Variants in EDA observed in about 807,000 individuals in gnomAD.
EDA encodes the protein ectodysplasin-A.
EDA carries 2 observed loss-of-function variants against 23.6 expected under a neutral mutation model. That is an observed-to-expected ratio of 0.08 (90% CI 0.03 to 0.27). EDA has a LOEUF of 0.27. Among genes scored for constraint, EDA ranks in the 10% least tolerant of loss-of-function variants. The probability of loss-of-function intolerance (pLI) is 1.00; values close to 1 mark genes in which losing one functional copy is unlikely to be tolerated. For synonymous variants in EDA, 131 were observed against 132.0 expected (o/e 0.99, Z 0.05); for missense variants, 229 against 324.2 (o/e 0.71, Z 2.26).
At chrX:69,673,179 G>A (rs1933960921) in intron 1 of EDA, among the ~76,000 whole-genome samples, 1 of 111,312 alleles carries the variant, frequency 9.0e-6, no homozygotes, top group Non-Finnish European at 1.9e-5. Context: ...GAGTGTAACA[G>A]CATTGATACA....
intron 2 of EDA, among the ~76,000 whole-genome samples, chrX:69,966,974 G>GTA (rs944298975): frequency 3.2e-3 from 344 of 106,366 alleles, no homozygotes; most frequent in African/African-American, 9.2e-3. Flanking sequence ...GTGTGTGTGT[G>GTA]TATATATATA....
Position 69,937,504 on chromosome X carries a change from A to G in EDA, c.397-19523A>G, listed in dbSNP as rs1486875989. Reference sequence around the variant, plus strand: ...TCAAGTTCTTCTTCAGGCAAGTTAGAGTTGGTCAGCATTTTGATTAAATAG... The same window carrying G: ...TCAAGTTCTTCTTCAGGCAAGTTAGGGTTGGTCAGCATTTTGATTAAATAG... On this transcript the variant is annotated intron_variant, in intron 1 of 7. Coordinates refer to ENST00000374552, the MANE Select transcript of EDA (RefSeq NM_001399.5). 9.5e-6 allele frequency: 8 copies of G among 837,985 alleles called. No individual in the cohort carries two copies. The Admixed American group carries it at 1.8e-4, about 19-fold the overall frequency. 69.1% of individuals were successfully genotyped at this position (837,985 alleles called of 1,213,427 possible).
chrX:69,616,812 G>A, intron 1 of EDA, 108 bp downstream of exon 1: 2 of 1,058,124 alleles, frequency 1.9e-6, no homozygotes, highest in Non-Finnish European at 2.6e-6. Flanking sequence ...CCAATTTAGA[G>A]GGCAGGACCA....
chrX:69,751,998 G>T (rs2013898090), intron 1 of EDA, among the ~76,000 whole-genome samples: 1 of 110,838 alleles, frequency 9.0e-6, no homozygotes, highest in Admixed American at 9.6e-5. Flanking sequence ...GGGTTTTCTA[G>T]ATATACAATC....
chrX:70,034,393 G>A (rs989462014), intron 7 of EDA, among the ~76,000 whole-genome samples: 1 of 111,699 alleles, frequency 9.0e-6, no homozygotes, highest in African/African-American at 3.3e-5. Context: ...ACCCAAATAT[G>A]CTGTTCCCAC....
At chrX:69,903,732 T>A (rs1036621401) in intron 1 of EDA, among the ~76,000 whole-genome samples, 1 of 110,661 alleles carries the variant, frequency 9.0e-6, no homozygotes, top group African/African-American at 3.3e-5. Flanking sequence ...ATTAAATTTT[T>A]AAAAATTTTT....
At chrX:69,937,324 A>T in intron 1 of EDA, 1 of 636,442 alleles carries the variant, frequency 1.6e-6, no homozygotes, top group Admixed American at 2.2e-5. Context: ...CCTGTCAGCA[A>T]TGATTTAGAT....
At chrX:69,768,875 G>A (rs989129072) in intron 1 of EDA, among the ~76,000 whole-genome samples, 2 of 110,996 alleles carry the variant, frequency 1.8e-5, no homozygotes, top group South Asian at 3.8e-4. Context: ...TATGATATAC[G>A]GTTTATTCAT....
In EDA at chrX:69,972,991, ACTAAGCTAAT is replaced by A. The variant is rs768397933; in HGVS notation, c.502+15886_502+15895del. On this transcript the variant is annotated intron_variant, in intron 2 of 7. Coordinates refer to ENST00000374552, the MANE Select transcript of EDA (RefSeq NM_001399.5). ...TTTCCATTTGAATTAGCTATAACTA[ACTAAGCTAAT>A]CTAAGCTAATCTAAGCTAATCTAAG... 4.7e-4 allele frequency among the ~76,000 whole-genome samples: 52 copies of A among 111,780 alleles called. 1 individual carries two copies. The highest frequency in any genetic ancestry group is 3.3e-3 in the South Asian group (9 of 2,688).
intron 1 of EDA, chrX:69,693,092 C>T (rs190811683): frequency 7.2e-5 from 8 of 111,542 alleles, no homozygotes; most frequent in Admixed American, 5.7e-4. Flanking sequence ...TTGCCATTTG[C>T]CATTAATGAT....
chrX:69,683,051 A>T (rs920736524), intron 1 of EDA, among the ~76,000 whole-genome samples: 4 of 111,213 alleles, frequency 3.6e-5, no homozygotes, highest in Non-Finnish European at 7.5e-5. Flanking sequence ...ACTATATCTT[A>T]GTTTTCTATC....
At chrX:69,689,357 G>A (rs964408822) in intron 1 of EDA, among the ~76,000 whole-genome samples, 7 of 105,922 alleles carry the variant, frequency 6.6e-5, no homozygotes, top group Non-Finnish European at 9.7e-5. Flanking sequence ...GTGCAGTGGC[G>A]CAATCTTGGC....
At chrX:69,941,033 G>A (rs760650414) in intron 1 of EDA, among the ~76,000 whole-genome samples, 34 of 111,396 alleles carry the variant, frequency 3.1e-4, no homozygotes, top group African/African-American at 1.0e-3. Flanking sequence ...TTGGCCCACT[G>A]GTCATTCAGG....
At chrX:69,989,147 C>T (rs771077193) in intron 2 of EDA, among the ~76,000 whole-genome samples, 28 of 112,008 alleles carry the variant, frequency 2.5e-4, no homozygotes, top group Admixed American at 7.6e-4. Flanking sequence ...CGCTTCTCCC[C>T]CTCCCATCCC....
At chrX:69,970,742 T>C (rs2019236530) in intron 2 of EDA, among the ~76,000 whole-genome samples, 2 of 111,259 alleles carry the variant, frequency 1.8e-5, no homozygotes, top group African/African-American at 6.5e-5. Context: ...CTCAAAACAC[T>C]TTACAAAGAT....
At chrX:69,641,530 G>T (rs1033761106) in intron 1 of EDA, among the ~76,000 whole-genome samples, 5 of 111,887 alleles carry the variant, frequency 4.5e-5, no homozygotes, top group African/African-American at 1.3e-4. Context: ...TAATTCTTGT[G>T]CTAAGTATTA....
intron 1 of EDA, among the ~76,000 whole-genome samples, chrX:69,897,239 A>G (rs1303253857): frequency 9.0e-6 from 1 of 111,473 alleles, no homozygotes; most frequent in Non-Finnish European, 1.9e-5. Flanking sequence ...CACCAAAACA[A>G]TAAATACCAT....
intron 1 of EDA, among the ~76,000 whole-genome samples, chrX:69,745,367 C>T (rs947850328): frequency 3.6e-5 from 4 of 111,326 alleles, no homozygotes; most frequent in Non-Finnish European, 5.7e-5. Context: ...AATAAAAGAA[C>T]CTTTGGTAAA....
intron 1 of EDA, among the ~76,000 whole-genome samples, chrX:69,773,642 A>G (rs2014698877): frequency 9.0e-6 from 1 of 110,827 alleles, no homozygotes; most frequent in Non-Finnish European, 1.9e-5. Context: ...GTGGTATCTT[A>G]TTGTGGTTTT....
Sources: allele counts gnomAD v4.1 joint callset (sites outside exome capture counted in the v4.1 genomes callset), GRCh38; gene constraint gnomAD v4.1.1; transcripts MANE v1.5; gene names NCBI Gene and HGNC (gene_info 2026-07-23, HGNC 2026-07-21).